Variants in LINGO1 observed in about 807,000 individuals in gnomAD.
The protein encoded by LINGO1 is leucine rich repeat and Ig domain containing 1.
LINGO1 carries 11 observed loss-of-function variants against 37.3 expected under a neutral mutation model. That is an observed-to-expected ratio of 0.29 (90% CI 0.19 to 0.49). The LOEUF is 0.49. LINGO1 is among the 20% of genes least tolerant of loss of function. LINGO1 has a pLI of 0.99. For synonymous variants in LINGO1, 387 were observed against 403.0 expected, an observed-to-expected ratio of 0.96 and a Z score of 0.48; for missense variants, 585 against 878.2, an observed-to-expected ratio of 0.67 and a Z score of 4.22.
At chr15:77,737,876 T>C (rs1023523865) in intron 1 of LINGO1, among the ~76,000 whole-genome samples, 3 of 151,636 alleles carry the variant, frequency 2.0e-5, no homozygotes, top group African/African-American at 7.3e-5. Context: ...ATCCTCTCCA[T>C]CCCATCCTGT....
chr15:77,658,407 C>G (rs1307406656), intron 3 of LINGO1, among the ~76,000 whole-genome samples: 1 of 152,232 alleles, frequency 6.6e-6, no homozygotes. Context: ...AAACACTGAC[C>G]AGGCATGCTC....
At position 77,756,887 on chromosome 15, in the gene LINGO1, C is replaced by T. The variant is rs754652723; in HGVS notation, c.-256-21834G>A. On this transcript the variant is annotated intron_variant, in intron 1 of 3. Coordinates refer to the LINGO1 transcript ENST00000561686. ...ATGCCAACGTGCACCACCTCGCACA[C>T]AGACTCATCCATGTTCACACACTCA... Among the ~76,000 whole-genome samples the T allele has an allele frequency of 8.9e-4, 135 of 152,330 alleles. 2 individuals are homozygous for T. Among genetic ancestry groups the T allele is most frequent in the Non-Finnish European group, 7.1e-4 (48 of 68,030 alleles).
intron 2 of LINGO1, among the ~76,000 whole-genome samples, chr15:77,712,046 G>A (rs2075924623): frequency 6.6e-6 from 1 of 152,056 alleles, no homozygotes; most frequent in South Asian, 2.1e-4. Context: ...GCCTCCCTCT[G>A]CCTTCGAACT....
chr15:77,633,537 G>A (rs1479694732), upstream of LINGO1, among the ~76,000 whole-genome samples: 2 of 152,200 alleles, frequency 1.3e-5, no homozygotes, highest in Admixed American at 6.5e-5. Context: ...TCCAGGGGAC[G>A]GCGAGGAAGC....
chr15:77,646,146 T>A (rs1026395499), intron 3 of LINGO1, among the ~76,000 whole-genome samples: 2 of 152,192 alleles, frequency 1.3e-5, no homozygotes, highest in African/African-American at 2.4e-5. Context: ...AATACATCCA[T>A]ACCCCTGCCC....
chr15:77,792,930 T>C (rs1172984050), intron 2 of LINGO1, among the ~76,000 whole-genome samples: 1 of 152,164 alleles, frequency 6.6e-6, no homozygotes, highest in African/African-American at 2.4e-5. Flanking sequence ...ACGACAGCAG[T>C]GCTGGGGCCA....
intron 1 of LINGO1, among the ~76,000 whole-genome samples, chr15:77,626,576 C>T (rs973244639): frequency 9.2e-5 from 14 of 152,180 alleles, no homozygotes; most frequent in East Asian, 3.9e-4. Flanking sequence ...TGCCACTACC[C>T]GGCTGCCCGT....
upstream of LINGO1, chr15:77,788,741 A>C (rs922878883): frequency 2.0e-5 from 3 of 152,256 alleles, no homozygotes. Context: ...AAAAACAGGC[A>C]GGCAGACTAG....
At position 77,648,153 on chromosome 15, in the gene LINGO1, C is replaced by T. The variant is rs1206081855; in HGVS notation, c.-13+28936G>A. The T allele has an allele frequency of 1.5e-5, 5 of 338,278 alleles. No homozygotes were observed. In the Admixed American group the frequency reaches 2.1e-4, roughly 14 times the overall value. The allele number at this position is 338,278 out of a possible 1,614,324, so 21.0% of individuals were successfully genotyped here. Reference sequence around the variant, plus strand: ...TAACCCCATTTTACAGATGAGGAGACTGAGTCCCAAGATCACCCAGATACA... The same window carrying T: ...TAACCCCATTTTACAGATGAGGAGATTGAGTCCCAAGATCACCCAGATACA... On this transcript the variant is annotated intron_variant, in intron 3 of 3. Coordinates refer to the LINGO1 transcript ENST00000559893.
chr15:77,666,677 C>T (rs553612906), intron 3 of LINGO1, among the ~76,000 whole-genome samples: 4 of 152,348 alleles, frequency 2.6e-5, no homozygotes, highest in Non-Finnish European at 5.9e-5. Flanking sequence ...CTCCTTGCAT[C>T]TCAGTTTTCC....
chr15:77,713,751 C>T (rs555982140), intron 2 of LINGO1, among the ~76,000 whole-genome samples: 7 of 152,272 alleles, frequency 4.6e-5, no homozygotes, highest in South Asian at 2.1e-4. Flanking sequence ...TAAAGGTATA[C>T]GCGTCATCAT....
chr15:77,806,650 G>C (rs950121347), intron 1 of LINGO1, among the ~76,000 whole-genome samples: 2 of 152,110 alleles, frequency 1.3e-5, no homozygotes, highest in African/African-American at 4.8e-5. Flanking sequence ...CCCGACCATA[G>C]CAGCAGAGGC....
At chr15:77,753,309 G>C (rs1441852272) in intron 1 of LINGO1, among the ~76,000 whole-genome samples, 1 of 152,226 alleles carries the variant, frequency 6.6e-6, no homozygotes, top group East Asian at 1.9e-4. Flanking sequence ...CTAAAGCTAA[G>C]CTTCCGTGGG....
At chr15:77,642,196 T>A (rs1008434673) in intron 3 of LINGO1, among the ~76,000 whole-genome samples, 6 of 152,132 alleles carry the variant, frequency 3.9e-5, no homozygotes, top group African/African-American at 1.4e-4. Context: ...TACGCTCCAT[T>A]AAGACCTGAG....
chr15:77,677,535 A>G (rs928409569), intron 2 of LINGO1, among the ~76,000 whole-genome samples: 2 of 151,888 alleles, frequency 1.3e-5, no homozygotes, highest in Non-Finnish European at 1.5e-5. Flanking sequence ...ACCCCACCCC[A>G]TTCTCTCTGA....
intron 3 of LINGO1, among the ~76,000 whole-genome samples, chr15:77,662,044 G>A (rs1340576586): frequency 6.6e-6 from 1 of 152,224 alleles, no homozygotes; most frequent in Non-Finnish European, 1.5e-5. Flanking sequence ...TGGTAGGTAG[G>A]TTGAGGCAAG....
intron 1 of LINGO1, among the ~76,000 whole-genome samples, chr15:77,785,409 A>C (rs1202994488): frequency 6.6e-6 from 1 of 152,128 alleles, no homozygotes; most frequent in Non-Finnish European, 1.5e-5. Context: ...TTCCCAACTG[A>C]GGCCCTGGAG....
chr15:77,619,724 A>AAT (rs2073860079), intron 1 of LINGO1, among the ~76,000 whole-genome samples: 1 of 151,740 alleles, frequency 6.6e-6, no homozygotes, highest in Admixed American at 6.6e-5. Flanking sequence ...AATAAAATAA[A>AAT]ATAAAATAAA....
chr15:77,680,501 G>A (rs542544417), intron 2 of LINGO1, among the ~76,000 whole-genome samples: 2 of 152,204 alleles, frequency 1.3e-5, no homozygotes, highest in African/African-American at 4.8e-5. Flanking sequence ...TTTCAGTGGG[G>A]GTAGAATAAT....
Sources: allele counts gnomAD v4.1 joint callset (sites outside exome capture counted in the v4.1 genomes callset), GRCh38; gene constraint gnomAD v4.1.1; transcripts MANE v1.5; gene names NCBI Gene and HGNC (gene_info 2026-07-23, HGNC 2026-07-21).